Variants in DPT observed in about 807,000 individuals in gnomAD.
DPT encodes dermatopontin, also known as tyrosine-rich acidic matrix protein.
DPT carries 21 observed loss-of-function variants against 31.2 expected under a neutral mutation model. The observed-to-expected ratio is 0.67, with a 90% CI of 0.48 to 0.97. The LOEUF (loss-of-function observed/expected upper bound fraction) is 0.97, where lower values mean the gene tolerates loss of function less well. DPT is among the 50% of genes least tolerant of loss of function. DPT has a pLI of 0.00. For missense variants in DPT, 262 were observed against 258.8 expected (o/e 1.01, Z -0.08); for synonymous variants, 91 against 86.9 (o/e 1.05, Z -0.26).
intron 1 of DPT, among the ~76,000 whole-genome samples, chr1:168,726,619 C>T (rs1039911872): frequency 1.3e-5 from 2 of 152,252 alleles, no homozygotes; most frequent in Admixed American, 1.3e-4. Context: ...TAGGGCTCTT[C>T]CTCTATGGCT....
At chr1:168,719,199 C>T (rs1650046437) in intron 1 of DPT, among the ~76,000 whole-genome samples, 1 of 152,212 alleles carries the variant, frequency 6.6e-6, no homozygotes, top group African/African-American at 2.4e-5. Context: ...AAGTAGTTTA[C>T]ATGGATCTTG....
chr1:168,706,998 A>T (rs947994887), intron 2 of DPT, among the ~76,000 whole-genome samples: 3 of 152,216 alleles, frequency 2.0e-5, no homozygotes, highest in Non-Finnish European at 4.4e-5. Flanking sequence ...TTTCTACCAG[A>T]TGCCTACTGT....
Position 168,709,641 on chromosome 1 carries a change from C to T in DPT, c.431+4580G>A, listed in dbSNP as rs529906400. On this transcript the variant is annotated intron_variant, in intron 2 of 3. Transcript: ENST00000367817. ...TTCTGAATCCCTAAGTGCTCACAAA[C>T]GCAGGCGCTAGATATTCACTTAGCT... Among the ~76,000 whole-genome samples the T allele has an allele frequency of 7.2e-5, 11 of 152,280 alleles. No homozygotes were observed. In the South Asian group the frequency reaches 8.3e-4, roughly 11 times the overall value.
At chr1:168,707,373 T>C (rs1040848436) in intron 2 of DPT, among the ~76,000 whole-genome samples, 11 of 152,150 alleles carry the variant, frequency 7.2e-5, no homozygotes, top group Non-Finnish European at 1.5e-4. Context: ...AATGATTGCC[T>C]CTAGAATCTA....
chr1:168,703,712 A>G (rs1025376626), intron 2 of DPT, among the ~76,000 whole-genome samples: 4 of 152,172 alleles, frequency 2.6e-5, no homozygotes, highest in Admixed American at 6.5e-5. Flanking sequence ...GTAAAGGAGG[A>G]GAGGGAAGGA....
chr1:168,715,488 C>G (rs991277156), intron 1 of DPT, among the ~76,000 whole-genome samples: 2 of 152,062 alleles, frequency 1.3e-5, no homozygotes, highest in Non-Finnish European at 1.5e-5. Context: ...GCTACTTATC[C>G]AGGATCTAGA....
At chr1:168,721,114 G>A (rs1425352134) in intron 1 of DPT, among the ~76,000 whole-genome samples, 1 of 152,226 alleles carries the variant, frequency 6.6e-6, no homozygotes, top group Non-Finnish European at 1.5e-5. Context: ...CAAAGACAGA[G>A]GAGCAGAGAA....
chr1:168,727,008 C>T (rs75612504), intron 1 of DPT, among the ~76,000 whole-genome samples: 1,541 of 152,312 alleles, frequency 0.01, 27 homozygotes, highest in African/African-American at 0.035. Context: ...TGAGCCCCTC[C>T]ACAGTCCTGG....
intron 3 of DPT, among the ~76,000 whole-genome samples, chr1:168,699,531 G>T (rs546768786): frequency 6.6e-6 from 1 of 150,798 alleles, no homozygotes; most frequent in East Asian, 1.9e-4. Flanking sequence ...AAACATAAAG[G>T]TTTTTGCTGA....
chr1:168,701,532 A>T (rs1259415960), intron 2 of DPT, among the ~76,000 whole-genome samples: 1 of 152,250 alleles, frequency 6.6e-6, no homozygotes, highest in Non-Finnish European at 1.5e-5. Flanking sequence ...CATAAAATAG[A>T]AAAGAAAATA....
In DPT at chr1:168,729,046, C is replaced by A. The variant is rs1572635641; in HGVS notation, c.129G>T (p.Arg43=). The A allele has an allele frequency of 6.2e-7, 1 of 1,614,208 alleles. No homozygotes were observed. Among genetic ancestry groups the A allele is most frequent in the Non-Finnish European group, 8.5e-7 (1 of 1,180,044 alleles). Residue 43 remains arginine, a synonymous_variant, in exon 1 of 4, where the codon CGG becomes CGT. Transcript: ENST00000367817. The part of the protein sequence containing the change: ...YSDDGWVNLN[R]QGFSYQCPQG... ...GGGGACACTGGTAGCTGAAGCCTTG[C>A]CGGTTCAAATTCACCCACCCATCAT...
chr1:168,724,061 C>T (rs775613320), intron 1 of DPT, among the ~76,000 whole-genome samples: 16 of 152,130 alleles, frequency 1.1e-4, no homozygotes, highest in African/African-American at 2.2e-4. Flanking sequence ...CAGCATTTAG[C>T]CCTTATGGCT....
chr1:168,725,664 G>A (rs910904552), intron 1 of DPT, among the ~76,000 whole-genome samples: 1 of 152,108 alleles, frequency 6.6e-6, no homozygotes, highest in African/African-American at 2.4e-5. Context: ...TTCAGAAGCC[G>A]GCACTTGAAG....
chr1:168,712,801 G>C (rs1649896509), intron 2 of DPT, among the ~76,000 whole-genome samples: 1 of 152,206 alleles, frequency 6.6e-6, no homozygotes, highest in South Asian at 2.1e-4. Context: ...GTTCTTGGCA[G>C]TGTGTTCATG....
chr1:168,719,185 C>T (rs1208582145), intron 1 of DPT, among the ~76,000 whole-genome samples: 1 of 152,184 alleles, frequency 6.6e-6, no homozygotes, highest in Non-Finnish European at 1.5e-5. Flanking sequence ...CTGAAACTCC[C>T]TCCAAGTAGT....
At chr1:168,707,926 G>A (rs1311891962) in intron 2 of DPT, among the ~76,000 whole-genome samples, 1 of 152,150 alleles carries the variant, frequency 6.6e-6, no homozygotes, top group Non-Finnish European at 1.5e-5. Flanking sequence ...TTTATTAGCA[G>A]TGTGAGAATG....
At chr1:168,698,294 G>C (rs1036537509) in intron 3 of DPT, among the ~76,000 whole-genome samples, 2 of 152,150 alleles carry the variant, frequency 1.3e-5, no homozygotes, top group African/African-American at 4.8e-5. Context: ...TTGAGGGTCT[G>C]GGTGATACCA....
chr1:168,715,901 C>T (rs1258947632), intron 1 of DPT, among the ~76,000 whole-genome samples: 1 of 152,242 alleles, frequency 6.6e-6, no homozygotes, highest in East Asian at 1.9e-4. Context: ...CCAGAGCAGG[C>T]AGTTGTCTAT....
intron 2 of DPT, among the ~76,000 whole-genome samples, chr1:168,710,065 G>A (rs1321401573): frequency 6.6e-6 from 1 of 152,054 alleles, no homozygotes; most frequent in African/African-American, 2.4e-5. Context: ...GAAAAAATAA[G>A]ACCTAATTTA....
Sources: gnomAD v4.1 joint callset for allele counts (sites outside exome capture counted in the v4.1 genomes callset) on GRCh38, gnomAD v4.1.1 for gene constraint, MANE v1.5 for transcripts, NCBI Gene and HGNC (gene_info 2026-07-23, HGNC 2026-07-21) for gene names.